ATG7: variants seen among roughly 807,000 people sequenced by gnomAD.
ATG7 encodes ubiquitin-like modifier-activating enzyme ATG7.
In ATG7, 70 loss-of-function variants were observed where a neutral mutation model predicts 82.4. That is an observed-to-expected ratio of 0.85 (90% CI 0.70 to 1.04). ATG7 has a LOEUF of 1.04. Ranked by LOEUF, ATG7 falls within the 50% of genes least tolerant of loss-of-function variation. The pLI is 0.00. For missense variants in ATG7, 792 were observed against 864.3 expected (o/e 0.92, Z 1.05); for synonymous variants, 287 against 313.0 (o/e 0.92, Z 0.88).
intron 20 of ATG7, among the ~76,000 whole-genome samples, chr3:11,482,947 G>T (rs759368884): frequency 1.3e-5 from 2 of 151,694 alleles, no homozygotes; most frequent in African/African-American, 2.4e-5. Context: ...CCCCCCTTGA[G>T]CCCCTTACAG....
At chr3:11,534,603 C>T (rs1475333974) in intron 20 of ATG7, among the ~76,000 whole-genome samples, 1 of 152,242 alleles carries the variant, frequency 6.6e-6, no homozygotes, top group East Asian at 1.9e-4. Context: ...ACTGCGGTTT[C>T]GTAGTCGCTG....
At chr3:11,423,861 C>T (rs1358525681) in intron 19 of ATG7, among the ~76,000 whole-genome samples, 1 of 152,110 alleles carries the variant, frequency 6.6e-6, no homozygotes, top group African/African-American at 2.4e-5. Context: ...TCTGCCAGTC[C>T]CTTGGCTTAG....
chr3:11,333,937 C>T (rs907434978), intron 11 of ATG7, among the ~76,000 whole-genome samples: 1 of 151,878 alleles, frequency 6.6e-6, no homozygotes, highest in Non-Finnish European at 1.5e-5. Flanking sequence ...TTAGTAGAGA[C>T]GGGGTTTCAC....
At chr3:11,320,291 T>C (rs924773036) in intron 9 of ATG7, among the ~76,000 whole-genome samples, 1 of 133,084 alleles carries the variant, frequency 7.5e-6, no homozygotes, top group African/African-American at 3.4e-5. Flanking sequence ...TCCCTTCTTC[T>C]TTTTTTTTTT....
At chr3:11,364,794 C>A in intron 18 of ATG7, 60 bp downstream of exon 18, 2 of 1,573,108 alleles carry the variant, frequency 1.3e-6, no homozygotes, top group Non-Finnish European at 1.7e-6. Context: ...CATGTGGGGT[C>A]TCTTTGCCAT....
chr3:11,513,742 C>A (rs1281176957), intron 20 of ATG7, among the ~76,000 whole-genome samples: 1 of 152,124 alleles, frequency 6.6e-6, no homozygotes, highest in African/African-American at 2.4e-5. Context: ...AAGTGGGAGC[C>A]CAGGCAGAGG....
intron 20 of ATG7, among the ~76,000 whole-genome samples, chr3:11,461,399 C>T (rs2152998719): frequency 6.6e-6 from 1 of 152,276 alleles, no homozygotes; most frequent in Admixed American, 6.5e-5. Flanking sequence ...TTGTCCTAAT[C>T]CTGCTTAGAA....
intron 19 of ATG7, among the ~76,000 whole-genome samples, chr3:11,394,608 A>G (rs144476207): frequency 6.6e-6 from 1 of 152,340 alleles, no homozygotes; most frequent in Non-Finnish European, 1.5e-5. Flanking sequence ...GAGAACCCTT[A>G]TAAATCATTC....
intron 3 of ATG7, among the ~76,000 whole-genome samples, chr3:11,284,536 T>C (rs1943619595): frequency 6.6e-6 from 1 of 152,014 alleles, no homozygotes; most frequent in Admixed American, 6.6e-5. Context: ...AAGATAGGGG[T>C]TTTGTTCTAC....
At chr3:11,289,264 A>G (rs1426419376) in intron 3 of ATG7, among the ~76,000 whole-genome samples, 3 of 152,186 alleles carry the variant, frequency 2.0e-5, no homozygotes, top group Non-Finnish European at 4.4e-5. Context: ...GATTAGTGAC[A>G]CATGAATAAC....
chr3:11,528,111 C>T (rs910104285), intron 20 of ATG7, among the ~76,000 whole-genome samples: 11 of 152,116 alleles, frequency 7.2e-5, no homozygotes, highest in African/African-American at 2.2e-4. Flanking sequence ...GAGAAGTAAA[C>T]GAACAACTTA....
In ATG7 at chr3:11,542,748, G is replaced by A. The variant is rs146823363; in HGVS notation, c.2080-12063G>A. On this transcript the variant is annotated intron_variant, in intron 20 of 20. Coordinates refer to ENST00000693202, the MANE Select transcript of ATG7 (RefSeq NM_001349232.2). The stretch of plus-strand genomic sequence containing the variant: ...TCCTCCCGGGCACCCCCTCCCGGGC[G>A]TCAGGTCTCTGTTTCCAGCCTGGGC... Among the ~76,000 whole-genome samples, 550 of 152,328 alleles carry A rather than the reference G, an allele frequency of 3.6e-3. 6 individuals carry two copies. The highest frequency in any genetic ancestry group is 0.01 in the Middle Eastern group (3 of 294).
intron 20 of ATG7, among the ~76,000 whole-genome samples, chr3:11,481,855 TGGGA>T (rs563580023): frequency 1.5e-3 from 234 of 152,260 alleles, no homozygotes; most frequent in South Asian, 3.9e-3. Flanking sequence ...ATCTGTAAGA[TGGGA>T]GTGAAGGCCA....
intron 20 of ATG7, among the ~76,000 whole-genome samples, chr3:11,517,378 T>G (rs2092313905): frequency 6.7e-6 from 1 of 149,048 alleles, no homozygotes; most frequent in African/African-American, 2.5e-5. Flanking sequence ...AAAAAAACAA[T>G]GATGGAGACA....
At chr3:11,470,993 C>T (rs2087441161) in intron 20 of ATG7, among the ~76,000 whole-genome samples, 1 of 152,174 alleles carries the variant, frequency 6.6e-6, no homozygotes, top group East Asian at 1.9e-4. Context: ...GAACTGTAGA[C>T]ACTTCCCTCC....
At chr3:11,375,510 T>C (rs530652265) in intron 18 of ATG7, among the ~76,000 whole-genome samples, 2 of 152,294 alleles carry the variant, frequency 1.3e-5, no homozygotes, top group African/African-American at 4.8e-5. Context: ...CAACAGGTGT[T>C]GACAAGGACG....
At chr3:11,432,607 C>G (rs1157547398) in intron 20 of ATG7, among the ~76,000 whole-genome samples, 2 of 151,894 alleles carry the variant, frequency 1.3e-5, no homozygotes, top group Non-Finnish European at 2.9e-5. Flanking sequence ...AAGAACTTAT[C>G]TACATAACCA....
chr3:11,315,403 TC>T lies in ATG7; in HGVS notation c.590del (p.Pro197LeufsTer4). The part of the protein sequence containing the change: ...LCQTEGVTAL[P>X]YFLIKYDENM... ...GTCAAACAGAAGGAGTCACAGCTCT[TC>T]CTTACTTCTTAATCAAGTATGATGA... On this transcript the variant is annotated frameshift_variant, in exon 9 of 21. Transcript: ENST00000693202. LOFTEE classifies it high-confidence loss of function. The T allele has an allele frequency of 6.2e-7, 1 of 1,612,412 alleles. No individual in the cohort carries two copies. The highest frequency in any genetic ancestry group is 8.5e-7 in the Non-Finnish European group (1 of 1,179,150).
intron 19 of ATG7, among the ~76,000 whole-genome samples, chr3:11,411,797 ATTG>A (rs1288128629): frequency 6.6e-6 from 1 of 151,650 alleles, no homozygotes; most frequent in Non-Finnish European, 1.5e-5. Flanking sequence ...TGCTAAATCC[ATTG>A]TTGTGCAGCT....
Sources: gnomAD v4.1 joint callset for allele counts (sites outside exome capture counted in the v4.1 genomes callset) on GRCh38, gnomAD v4.1.1 for gene constraint, MANE v1.5 for transcripts, NCBI Gene and HGNC (gene_info 2026-07-23, HGNC 2026-07-21) for gene names.